The following SVOPL variants were observed in gnomAD, a reference collection of about 807,000 sequenced individuals.
SVOPL encodes the protein SVOP like, also known as putative transporter SVOPL.
In SVOPL, 60 loss-of-function variants were observed where a neutral mutation model predicts 61.0. The ratio of observed to expected loss-of-function variants is 0.98; its 90% confidence interval spans 0.80 to 1.22. SVOPL has a LOEUF of 1.22. Among genes scored for constraint, SVOPL ranks in the 50% most tolerant of loss-of-function variants. The pLI is 0.00. For synonymous variants in SVOPL, 279 were observed against 250.0 expected, an observed-to-expected ratio of 1.12 and a Z score of -1.09; for missense variants, 662 against 643.9, an observed-to-expected ratio of 1.03 and a Z score of -0.30.
At chr7:138,675,600 C>T (rs946380684) in intron 3 of SVOPL, among the ~76,000 whole-genome samples, 11 of 152,152 alleles carry the variant, frequency 7.2e-5, no homozygotes, top group Non-Finnish European at 1.5e-4. Flanking sequence ...AGGTGATCTA[C>T]CCGCCTTGGC....
intron 9 of SVOPL, among the ~76,000 whole-genome samples, chr7:138,642,525 T>C (rs1321971644): frequency 6.6e-6 from 1 of 151,960 alleles, no homozygotes; most frequent in Non-Finnish European, 1.5e-5. Flanking sequence ...AATAATTTTC[T>C]TTAAAATATA....
chr7:138,641,457 G>A (rs1200363916), intron 9 of SVOPL, among the ~76,000 whole-genome samples: 1 of 151,908 alleles, frequency 6.6e-6, no homozygotes, highest in East Asian at 1.9e-4. Context: ...GATCACCTGA[G>A]GTCAGGAGTT....
In SVOPL at chr7:138,660,199, C is replaced by G. The variant is rs1032295570; in HGVS notation, c.346-211G>C. The G allele has an allele frequency of 8.3e-6, 11 of 1,317,794 alleles. No homozygotes were observed. The African/African-American group carries it at 1.3e-4, about 16-fold the overall frequency. 81.6% of individuals were successfully genotyped at this position (1,317,794 alleles called of 1,614,324 possible). A position where few individuals can be genotyped will look rare whatever the true frequency, so the allele number is the denominator to read the frequency against. On this transcript the variant is annotated intron_variant, in intron 5 of 15. Coordinates refer to ENST00000674285, the MANE Select transcript of SVOPL (RefSeq NM_001139456.2). ...AAGCCCAGACCTACCAAGTTCAGAC[C>G]ATTCTTTAAAACTACCATGCTGTGC...
intron 1 of SVOPL, among the ~76,000 whole-genome samples, chr7:138,686,661 G>A (rs1049254974): frequency 6.8e-6 from 1 of 147,558 alleles, no homozygotes; most frequent in African/African-American, 2.5e-5. Context: ...CGCCTCCCAG[G>A]TTCAAGCAAT....
At chr7:138,648,884 T>C in intron 8 of SVOPL, 128 bp downstream of exon 8, 1 of 1,404,956 alleles carries the variant, frequency 7.1e-7, no homozygotes. Context: ...ATTGCACCTC[T>C]GCACTGCAGC....
chr7:138,645,064 G>A (rs567677067), intron 8 of SVOPL, among the ~76,000 whole-genome samples: 2 of 152,230 alleles, frequency 1.3e-5, no homozygotes, highest in African/African-American at 2.4e-5. Flanking sequence ...CCAGGATGAC[G>A]GCAGGCTGAT....
intron 14 of SVOPL, among the ~76,000 whole-genome samples, chr7:138,599,852 C>T (rs971158504): frequency 3.4e-5 from 5 of 145,938 alleles, no homozygotes; most frequent in Non-Finnish European, 7.4e-5. Context: ...CACACCACTG[C>T]ACTCCAGCCT....
At chr7:138,633,942 C>G (rs1439792) in intron 9 of SVOPL, among the ~76,000 whole-genome samples, 39,590 of 151,978 alleles carry the variant, frequency 0.26, 6,371 homozygotes, top group African/African-American at 0.45. Flanking sequence ...ATCAACTCAT[C>G]CCGTGGTGGC....
chr7:138,604,078 C>T (rs1308589762), intron 14 of SVOPL, among the ~76,000 whole-genome samples: 1 of 150,884 alleles, frequency 6.6e-6, no homozygotes, highest in Non-Finnish European at 1.5e-5. Context: ...ATCCTCTCAG[C>T]TCAGCCTCTC....
intron 9 of SVOPL, among the ~76,000 whole-genome samples, chr7:138,641,814 T>TATA (rs1554464905): frequency 2.5e-5 from 3 of 120,972 alleles, no homozygotes; most frequent in Admixed American, 9.2e-5. Context: ...TATATATATG[T>TATA]TATATATATA....
In SVOPL at chr7:138,659,878, G is replaced by A. The variant is rs146470894; in HGVS notation, c.456C>T (p.Ser152=). Residue 152 remains serine (S), a synonymous_variant, in exon 6 of 16, where the codon TCC becomes TCT. Transcript: ENST00000674285. ...AACATATTTACCCTTGCGAGTGGCC[G>A]GACACACCACAGCCCACCATCGTCC... ...FLRTMVGCGV[S]GHSQGLIIKT... 18 of 1,551,350 alleles carry A rather than the reference G, an allele frequency of 1.2e-5. No homozygotes were observed. The highest frequency in any genetic ancestry group is 8.3e-5 in the South Asian group (7 of 84,032).
At chr7:138,619,556 G>C (rs554882136) in intron 14 of SVOPL, among the ~76,000 whole-genome samples, 1 of 84,728 alleles carries the variant, frequency 1.2e-5, no homozygotes, top group Non-Finnish European at 2.0e-5. Context: ...TGGTTTCTCA[G>C]ATGTTAAAAA....
intron 1 of SVOPL, among the ~76,000 whole-genome samples, chr7:138,688,247 A>T (rs1486844072): frequency 6.6e-6 from 1 of 151,580 alleles, no homozygotes; most frequent in South Asian, 2.1e-4. Flanking sequence ...ATCACTTCCT[A>T]CTCAGTAGGA....
chr7:138,654,313 G>A (rs529560857), intron 7 of SVOPL, among the ~76,000 whole-genome samples: 1 of 152,190 alleles, frequency 6.6e-6, no homozygotes, highest in East Asian at 1.9e-4. Flanking sequence ...ATAAGATGAT[G>A]TATATCCTAA....
chr7:138,604,464 A>C (rs1348355095), intron 14 of SVOPL, among the ~76,000 whole-genome samples: 1 of 152,168 alleles, frequency 6.6e-6, no homozygotes, highest in Non-Finnish European at 1.5e-5. Context: ...ACCTGAGGTC[A>C]GAAGTTCAAG....
chr7:138,616,768 T>G (rs1799320929), intron 14 of SVOPL, among the ~76,000 whole-genome samples: 1 of 152,230 alleles, frequency 6.6e-6, no homozygotes, highest in Admixed American at 6.5e-5. Context: ...TTAAAGTTTT[T>G]CAGTGGGTGA....
intron 1 of SVOPL, among the ~76,000 whole-genome samples, chr7:138,682,614 C>A (rs1216801726): frequency 1.3e-5 from 2 of 151,926 alleles, no homozygotes; most frequent in Non-Finnish European, 2.9e-5. Context: ...CACATCAAAT[C>A]AAAAATGGAC....
At chr7:138,680,882 CT>C (rs1254143117) in intron 1 of SVOPL, among the ~76,000 whole-genome samples, 2 of 151,854 alleles carry the variant, frequency 1.3e-5, no homozygotes, top group Admixed American at 6.6e-5. Flanking sequence ...CCCGGCCAGA[CT>C]TTTTTTCAGA....
intron 1 of SVOPL, among the ~76,000 whole-genome samples, chr7:138,697,282 A>G (rs1055141802): frequency 5.3e-5 from 8 of 152,180 alleles, no homozygotes; most frequent in African/African-American, 1.9e-4. Context: ...TGTGTATTTT[A>G]CCATAGTTTT....
Sources: allele counts gnomAD v4.1 joint callset (sites outside exome capture counted in the v4.1 genomes callset), GRCh38; gene constraint gnomAD v4.1.1; transcripts MANE v1.5; gene names NCBI Gene and HGNC (gene_info 2026-07-23, HGNC 2026-07-21).